URI1: variants seen among roughly 807,000 people sequenced by gnomAD.
URI1 encodes the protein unconventional prefoldin RPB5 interactor 1.
Under a neutral mutation model 60.2 loss-of-function variants are expected in URI1, and 39 were observed. That is an observed-to-expected ratio of 0.65 (90% CI 0.50 to 0.85). The LOEUF is 0.85. Ranked by LOEUF, URI1 falls within the 40% of genes least tolerant of loss-of-function variation. The pLI, the probability that URI1 is intolerant of heterozygous loss-of-function variation, is 0.00. For synonymous variants in URI1, 251 were observed against 236.8 expected, an observed-to-expected ratio of 1.06 and a Z score of -0.55; for missense variants, 691 against 665.9, an observed-to-expected ratio of 1.04 and a Z score of -0.42.
intron 1 of URI1, among the ~76,000 whole-genome samples, chr19:29,958,866 A>G (rs566949625): frequency 1.1e-4 from 17 of 151,992 alleles, no homozygotes; most frequent in Middle Eastern, 3.4e-3. Flanking sequence ...AGGTTGAGGC[A>G]TGAGAATTGC....
At chr19:29,994,141 ATGAAG>A (rs2055781940) in intron 4 of URI1, among the ~76,000 whole-genome samples, 1 of 152,054 alleles carries the variant, frequency 6.6e-6, no homozygotes, top group South Asian at 2.1e-4. Flanking sequence ...AATTGCTGGC[ATGAAG>A]TGAAGTAGAT....
In URI1 at chr19:30,016,101, G is replaced by A. The variant is rs773656719; in HGVS notation, c.*1032G>A. ...GCATTCTGCATTAGTACTAAAATAA[G>A]CCATCAATGCCAGTCCACCCTCTCT... On this transcript the variant is annotated 3_prime_UTR_variant, in exon 11 of 11. Transcript: ENST00000392271. 3 of 152,118 alleles carry A rather than the reference G, an allele frequency of 2.0e-5. No individual in the cohort carries two copies. The highest frequency in any genetic ancestry group is 6.6e-5 in the Admixed American group (1 of 15,260). 9.4% of individuals were successfully genotyped at this position (152,118 alleles called of 1,614,324 possible).
intron 2 of URI1, among the ~76,000 whole-genome samples, chr19:29,979,941 A>C (rs2055572242): frequency 6.6e-6 from 1 of 152,318 alleles, no homozygotes; most frequent in Middle Eastern, 3.4e-3. Context: ...TTCCATGAGG[A>C]GTGTTCCTTT....
chr19:29,942,525 G>C lies in URI1; in HGVS notation c.-23G>C. The C allele has an allele frequency of 4.4e-6, 6 of 1,367,050 alleles. No individual in the cohort carries two copies. Among genetic ancestry groups the C allele is most frequent in the Admixed American group, 6.4e-5 (2 of 31,362 alleles). 84.7% of individuals were successfully genotyped at this position (1,367,050 alleles called of 1,614,324 possible). ...GGCGCTGGTTCAGGACTCACACGCCGCGCTGAGGCCCGCGGGCCCGTCATG... is the reference window on the plus strand; with the variant it reads ...GGCGCTGGTTCAGGACTCACACGCCCCGCTGAGGCCCGCGGGCCCGTCATG... On this transcript the variant is annotated 5_prime_UTR_variant, in exon 1 of 11. Coordinates refer to ENST00000392271, the MANE Select transcript of URI1 (RefSeq NM_003796.3).
chr19:29,943,441 T>C (rs898700173), intron 1 of URI1, among the ~76,000 whole-genome samples: 1 of 152,250 alleles, frequency 6.6e-6, no homozygotes, highest in Non-Finnish European at 1.5e-5. Flanking sequence ...ATTGATTCTG[T>C]CCCCTCAAGT....
chr19:30,002,045 C>T (rs1483262495), intron 4 of URI1, among the ~76,000 whole-genome samples: 1 of 151,760 alleles, frequency 6.6e-6, no homozygotes, highest in Non-Finnish European at 1.5e-5. Context: ...TTCCAGCACA[C>T]AAAAGAAACG....
At chr19:29,931,908 A>AG (rs2054920628) in intron 1 of URI1, among the ~76,000 whole-genome samples, 2 of 41,884 alleles carry the variant, frequency 4.8e-5, no homozygotes, top group Non-Finnish European at 1.0e-4. Flanking sequence ...TAGCTCTAAC[A>AG]GTTGTGTGTG....
chr19:29,945,443 G>A (rs1227220870), intron 1 of URI1, among the ~76,000 whole-genome samples: 1 of 152,144 alleles, frequency 6.6e-6, no homozygotes, highest in African/African-American at 2.4e-5. Flanking sequence ...GCAACCTGAG[G>A]AAGAGGACAG....
rs746696922 is a variant in URI1, at chr19:30,007,565, C to G, written c.613C>G (p.Leu205Val). The change falls in exon 7 of 11, where the codon CTA (leucine) becomes GTA (valine). Residue 205 changes from leucine to valine, a missense_variant. Coordinates refer to ENST00000392271, the MANE Select transcript of URI1 (RefSeq NM_003796.3). ...IANDVKSKDL[L>V]ADKELWARLE... ...AAATGATGTGAAATCCAAGGATTTGCTAGCTGATAAAGAACTGTGGGCTCG... is the reference window on the plus strand; with the variant it reads ...AAATGATGTGAAATCCAAGGATTTGGTAGCTGATAAAGAACTGTGGGCTCG... The G allele has an allele frequency of 1.2e-6, 2 of 1,613,296 alleles. No individual in the cohort carries two copies. Among genetic ancestry groups the G allele is most frequent in the Non-Finnish European group, 1.7e-6 (2 of 1,179,564 alleles).
intron 2 of URI1, among the ~76,000 whole-genome samples, chr19:29,984,957 T>C (rs2055644365): frequency 6.6e-6 from 1 of 151,274 alleles, no homozygotes; most frequent in Non-Finnish European, 1.5e-5. Context: ...TCCTCTCTAC[T>C]GAAAATACAA....
chr19:30,014,004 G>A (rs2145458277), intron 10 of URI1, among the ~76,000 whole-genome samples: 1 of 151,104 alleles, frequency 6.6e-6, no homozygotes, highest in Non-Finnish European at 1.5e-5. Flanking sequence ...AGAACAAAAT[G>A]TACATTAAAG....
chr19:29,996,184 T>C (rs2055809839), intron 4 of URI1, among the ~76,000 whole-genome samples: 1 of 152,288 alleles, frequency 6.6e-6, no homozygotes, highest in African/African-American at 2.4e-5. Context: ...ACTGAGTCTG[T>C]TGGTTGCCAT....
chr19:30,005,049 G>A (rs2145430393), intron 4 of URI1, among the ~76,000 whole-genome samples: 1 of 152,072 alleles, frequency 6.6e-6, no homozygotes, highest in Non-Finnish European at 1.5e-5. Context: ...CATTTTATGT[G>A]ATGATCCAAC....
At position 29,942,647 on chromosome 19, in the gene URI1, C is replaced by A; in HGVS notation, c.100C>A (p.Arg34Ser). Reference protein sequence around the residue: ...PLRAPDVARLREEQEKVVTNC... With the variant: ...PLRAPDVARLSEEQEKVVTNC... ...GCGCGCCCCGGATGTGGCGCGGCTG[C>A]GCGAGGAGCAGGAAAAGGTAACTAG... Residue 34 changes from arginine (R) to serine (S), a missense_variant, in exon 1 of 11, where the codon CGC becomes AGC. By Grantham distance (110) the Arg-to-Ser change is moderately radical. Coordinates refer to ENST00000392271, the MANE Select transcript of URI1 (RefSeq NM_003796.3). The A allele has an allele frequency of 6.9e-7, 1 of 1,449,552 alleles. No individual in the cohort carries two copies. Among genetic ancestry groups the A allele is most frequent in the Non-Finnish European group, 9.1e-7 (1 of 1,102,160 alleles). The allele number at this position is 1,449,552 out of a possible 1,614,324, so 89.8% of individuals were successfully genotyped here.
At position 29,976,395 on chromosome 19, in the gene URI1, A is replaced by G. The variant is rs551834846; in HGVS notation, c.152+5168A>G. ...TGTTGTCCAGAATGACCTCACCCTC[A>G]AGTCTGGTGGTTAGTGCTGTTGGTT... is the stretch of plus-strand genomic sequence containing the variant. On this transcript the variant is annotated intron_variant, in intron 2 of 10. Transcript: ENST00000392271. Among the ~76,000 whole-genome samples the G allele has an allele frequency of 4.6e-5, 7 of 152,208 alleles. No homozygotes were observed. In the East Asian group the frequency reaches 1.4e-3, roughly 29 times the overall value.
At chr19:29,997,656 C>T (rs2055829203) in intron 4 of URI1, among the ~76,000 whole-genome samples, 1 of 150,420 alleles carries the variant, frequency 6.6e-6, no homozygotes, top group Admixed American at 6.6e-5. Flanking sequence ...TGAAGTATTT[C>T]TTTTTTTTTG....
rs116930835 is a variant in URI1, at chr19:29,964,044, T to C, written c.118-7149T>C. ...CTCTTGTGCTCTCATTTTACTACCA[T>C]ATAGCCTTGTCAGACTGCGCAAGTT... On this transcript the variant is annotated intron_variant, in intron 1 of 10. Transcript: ENST00000392271. Among the ~76,000 whole-genome samples the C allele has an allele frequency of 7.9e-5, 12 of 152,282 alleles. No homozygotes were observed. In the East Asian group the frequency reaches 1.7e-3, roughly 22 times the overall value.
intron 2 of URI1, among the ~76,000 whole-genome samples, chr19:29,974,652 A>G (rs1167050307): frequency 6.6e-6 from 1 of 152,068 alleles, no homozygotes; most frequent in Non-Finnish European, 1.5e-5. Context: ...GGTGCATTGC[A>G]TGATGCTGAG....
chr19:30,006,755 C>G (rs2055948198), intron 6 of URI1, among the ~76,000 whole-genome samples: 2 of 152,170 alleles, frequency 1.3e-5, no homozygotes, highest in East Asian at 3.9e-4. Context: ...TTTCCCATTA[C>G]TTTGCTTTAA....
Sources: allele counts gnomAD v4.1 joint callset (sites outside exome capture counted in the v4.1 genomes callset), GRCh38; gene constraint gnomAD v4.1.1; transcripts MANE v1.5; gene names NCBI Gene and HGNC (gene_info 2026-07-23, HGNC 2026-07-21).